Variants in DCLK2 observed in about 807,000 individuals in gnomAD.
The protein encoded by DCLK2 is serine/threonine-protein kinase DCLK2.
Under a neutral mutation model 78.4 loss-of-function variants are expected in DCLK2, and 31 were observed. That is an observed-to-expected ratio of 0.40 (90% confidence interval 0.30 to 0.53). The LOEUF (loss-of-function observed/expected upper bound fraction) is 0.53, where lower values mean the gene tolerates loss of function less well. Among genes scored for constraint, DCLK2 ranks in the 20% least tolerant of loss-of-function variants. The probability of loss-of-function intolerance (pLI) is 0.61; values close to 1 mark genes in which losing one functional copy is unlikely to be tolerated. For synonymous variants in DCLK2, 407 were observed against 374.9 expected, an observed-to-expected ratio of 1.09 and a Z score of -0.99; for missense variants, 872 against 973.7, an observed-to-expected ratio of 0.90 and a Z score of 1.39.
chr4:150,219,674 T>C (rs183110619), intron 5 of DCLK2, among the ~76,000 whole-genome samples: 267 of 152,348 alleles, frequency 1.8e-3, no homozygotes, highest in Middle Eastern at 3.4e-3. Context: ...TTTACAGGGA[T>C]AAGCTAATTT....
At chr4:150,213,524 A>G (rs1421795244) in intron 5 of DCLK2, among the ~76,000 whole-genome samples, 2 of 152,236 alleles carry the variant, frequency 1.3e-5, no homozygotes, top group Non-Finnish European at 2.9e-5. Flanking sequence ...AGTTAGTGGA[A>G]ACAATGTTCC....
intron 5 of DCLK2, among the ~76,000 whole-genome samples, chr4:150,207,565 G>A (rs768990664): frequency 1.2e-4 from 19 of 152,108 alleles, no homozygotes; most frequent in African/African-American, 2.7e-4. Context: ...GTACTCTTAC[G>A]AGAAAGATGA....
At chr4:150,115,055 T>C (rs10000923) in intron 2 of DCLK2, among the ~76,000 whole-genome samples, 58,083 of 152,118 alleles carry the variant, frequency 0.38, 11,325 homozygotes, top group Non-Finnish European at 0.42. Flanking sequence ...TATATAATCC[T>C]GTATTTTCTG....
At chr4:150,190,692 A>C (rs1738387592) in intron 2 of DCLK2, among the ~76,000 whole-genome samples, 1 of 152,170 alleles carries the variant, frequency 6.6e-6, no homozygotes, top group Non-Finnish European at 1.5e-5. Context: ...TCTTCTGGGG[A>C]TGATGAAAAT....
At chr4:150,096,224 A>G (rs528364631) in intron 1 of DCLK2, among the ~76,000 whole-genome samples, 1 of 152,330 alleles carries the variant, frequency 6.6e-6, no homozygotes, top group Admixed American at 6.5e-5. Context: ...GCAGTGAAGA[A>G]GGAAGCTTGG....
At chr4:150,122,645 C>T (rs1732635996) in intron 2 of DCLK2, among the ~76,000 whole-genome samples, 1 of 152,176 alleles carries the variant, frequency 6.6e-6, no homozygotes, top group African/African-American at 2.4e-5. Flanking sequence ...GGAGAAACAC[C>T]TAATGTGGAT....
rs17026773 is a variant in DCLK2 at position 150,248,148 on chromosome 4, A to G, written c.1876-157A>G. On this transcript the variant is annotated intron_variant, in intron 13 of 15. Coordinates refer to ENST00000296550, the MANE Select transcript of DCLK2 (RefSeq NM_001040260.4). ...TTTTCTTTTGCACTGCTTATAAGGC[A>G]TTAGGAGAGTAGGTATAATCACGTT... 9.5e-3 allele frequency among the ~76,000 whole-genome samples: 1,443 copies of G among 152,358 alleles called. 21 individuals are homozygous for G. Among genetic ancestry groups the G allele is most frequent in the African/African-American group, 0.033 (1,388 of 41,588 alleles).
chr4:150,236,628 T>C (rs1238146949), intron 10 of DCLK2, among the ~76,000 whole-genome samples: 2 of 152,202 alleles, frequency 1.3e-5, no homozygotes, highest in Non-Finnish European at 2.9e-5. Context: ...GGCAACTGTT[T>C]TTAAAGCAAT....
rs929949096 is a variant in DCLK2 at position 150,198,026 on chromosome 4, A to T, written c.884A>T (p.Tyr295Phe). 6.2e-7 allele frequency: 1 copy of T among 1,613,626 alleles called. No homozygotes were observed. The highest frequency in any genetic ancestry group is 8.5e-7 in the Non-Finnish European group (1 of 1,179,882). ...GAATGTCGTGTCCTGAAGTCATCTTATTCTCGATCCTCAGCTGTTAAGTAT... is the reference window on the plus strand; with the variant it reads ...GAATGTCGTGTCCTGAAGTCATCTTTTTCTCGATCCTCAGCTGTTAAGTAT... ...HSECRVLKSS[Y>F]SRSSAVKYSG... The change falls in exon 4 of 16, where the codon TAT becomes TTT. Residue 295 changes from tyrosine (Y) to phenylalanine (F), a missense_variant. Transcript: ENST00000296550.
intron 5 of DCLK2, among the ~76,000 whole-genome samples, chr4:150,218,459 A>C (rs1254582116): frequency 6.6e-6 from 1 of 152,178 alleles, no homozygotes; most frequent in African/African-American, 2.4e-5. Flanking sequence ...CACTCAGACA[A>C]CACATCAGCT....
chr4:150,170,274 C>T (rs1224062597), intron 2 of DCLK2, among the ~76,000 whole-genome samples: 2 of 152,126 alleles, frequency 1.3e-5, no homozygotes, highest in Non-Finnish European at 2.9e-5. Context: ...GAACTCCTGA[C>T]CTCAGATGAT....
At chr4:150,085,787 C>T (rs1421705471) in intron 1 of DCLK2, among the ~76,000 whole-genome samples, 1 of 152,174 alleles carries the variant, frequency 6.6e-6, no homozygotes, top group African/African-American at 2.4e-5. Flanking sequence ...GCACCTTGAT[C>T]TTTGATGTCC....
Position 150,116,615 on chromosome 4 carries a change from G to A in DCLK2, c.756+13803G>A, listed in dbSNP as rs375239957. Among the ~76,000 whole-genome samples, 34 of 152,328 alleles carry A rather than the reference G, an allele frequency of 2.2e-4. 3 individuals are homozygous for A. Among genetic ancestry groups the A allele is most frequent in the East Asian group, 1.5e-3 (8 of 5,188 alleles). On this transcript the variant is annotated intron_variant, in intron 2 of 15. Transcript: ENST00000296550. ...CCAGTGATGTGACTGGTCCTCAAGTGTCGCAGCAGCAGGTACCAGCACCAG... is the reference window on the plus strand; with the variant it reads ...CCAGTGATGTGACTGGTCCTCAAGTATCGCAGCAGCAGGTACCAGCACCAG...
At chr4:150,214,326 G>T (rs937731030) in intron 5 of DCLK2, among the ~76,000 whole-genome samples, 8 of 152,188 alleles carry the variant, frequency 5.3e-5, no homozygotes, top group African/African-American at 1.9e-4. Flanking sequence ...ATTGACAATA[G>T]AATTTTTGAA....
chr4:150,190,292 T>C (rs1345106444), intron 2 of DCLK2, among the ~76,000 whole-genome samples: 2 of 132,758 alleles, frequency 1.5e-5, no homozygotes, highest in Admixed American at 7.4e-5. Flanking sequence ...GATAGATAGA[T>C]AGATAGGCAG....
At chr4:150,179,398 A>G (rs192370627) in intron 2 of DCLK2, among the ~76,000 whole-genome samples, 2 of 152,308 alleles carry the variant, frequency 1.3e-5, no homozygotes, top group Non-Finnish European at 2.9e-5. Context: ...GAATGTAGTC[A>G]TGGTGTCTTT....
chr4:150,247,824 C>G (rs899627731), intron 13 of DCLK2, 125 bp downstream of exon 13: 3 of 713,594 alleles, frequency 4.2e-6, no homozygotes, highest in Non-Finnish European at 6.8e-6. Flanking sequence ...TGTGGTTCTT[C>G]TTTTAAGTTT....
chr4:150,227,192 T>G (rs1027409446), intron 8 of DCLK2, among the ~76,000 whole-genome samples: 8 of 152,210 alleles, frequency 5.3e-5, no homozygotes, highest in Non-Finnish European at 1.0e-4. Context: ...CTGTGTTCCC[T>G]CTCTAAGTTC....
At chr4:150,139,981 A>G (rs1374348381) in intron 2 of DCLK2, among the ~76,000 whole-genome samples, 1 of 152,212 alleles carries the variant, frequency 6.6e-6, no homozygotes, top group Non-Finnish European at 1.5e-5. Flanking sequence ...CTAGAATGTC[A>G]CTGCTTAGTT....
Sources: allele counts gnomAD v4.1 joint callset (sites outside exome capture counted in the v4.1 genomes callset), GRCh38; gene constraint gnomAD v4.1.1; transcripts MANE v1.5; gene names NCBI Gene and HGNC (gene_info 2026-07-23, HGNC 2026-07-21).